PTPRD: variants seen among roughly 807,000 people sequenced by gnomAD.
The protein encoded by PTPRD is receptor-type tyrosine-protein phosphatase delta.
Under a neutral mutation model 214.5 loss-of-function variants are expected in PTPRD, and 34 were observed. The observed-to-expected ratio is 0.16, with a 90% CI of 0.12 to 0.21. The LOEUF (loss-of-function observed/expected upper bound fraction) is 0.21. Among genes scored for constraint, PTPRD ranks in the 10% least tolerant of loss-of-function variants. The pLI, the probability that PTPRD is intolerant of heterozygous loss-of-function variation, is 1.00. For missense variants in PTPRD, 2,545 were observed against 2,398.7 expected (o/e 1.06, Z -1.27); for synonymous variants, 1,128 against 845.7 (o/e 1.33, Z -5.79).
Position 9,983,928 on chromosome 9 carries a change from G to C in PTPRD, c.-471-45318C>G, listed in dbSNP as rs867149114. On this transcript the variant is annotated intron_variant, in intron 4 of 45. Coordinates refer to ENST00000381196, the MANE Select transcript of PTPRD (RefSeq NM_002839.4). ...TTCTCTTCCCAGCAATTACTCTCTAGTGCCCTCTTAGAGACATAACTAAGG... is the reference window on the plus strand; with the variant it reads ...TTCTCTTCCCAGCAATTACTCTCTACTGCCCTCTTAGAGACATAACTAAGG... Among the ~76,000 whole-genome samples the C allele has an allele frequency of 3.3e-5, 5 of 151,902 alleles. No individual in the cohort carries two copies. The South Asian group carries it at 8.3e-4, about 25-fold the overall frequency.
intron 2 of PTPRD, among the ~76,000 whole-genome samples, chr9:10,413,909 C>A (rs7032372): frequency 0.73 from 110,733 of 151,794 alleles, 41,081 homozygotes; most frequent in Non-Finnish European, 0.81. Flanking sequence ...AGACATGCAG[C>A]AGATTGAAAC....
intron 35 of PTPRD, among the ~76,000 whole-genome samples, chr9:8,411,058 A>G (rs2093472793): frequency 6.6e-6 from 1 of 152,104 alleles, no homozygotes; most frequent in Non-Finnish European, 1.5e-5. Context: ...TGGATTAAAA[A>G]TGATGAAAAA....
chr9:10,405,266 C>T (rs1224474170), intron 2 of PTPRD, among the ~76,000 whole-genome samples: 3 of 151,596 alleles, frequency 2.0e-5, no homozygotes, highest in African/African-American at 7.3e-5. Context: ...CGAAAGCTAC[C>T]ATGCATCTTG....
At chr9:10,498,258 T>C (rs1330117668) in intron 2 of PTPRD, among the ~76,000 whole-genome samples, 1 of 151,950 alleles carries the variant, frequency 6.6e-6, no homozygotes, top group African/African-American at 2.4e-5. Flanking sequence ...AATGAAGTTA[T>C]GACTTCCTCC....
chr9:9,636,646 C>A (rs2095779740), intron 7 of PTPRD, among the ~76,000 whole-genome samples: 1 of 152,138 alleles, frequency 6.6e-6, no homozygotes, highest in Non-Finnish European at 1.5e-5. Context: ...GGTATAGTCT[C>A]TGAAAGTATA....
chr9:9,317,266 C>G (rs1963761071), intron 9 of PTPRD, among the ~76,000 whole-genome samples: 1 of 152,180 alleles, frequency 6.6e-6, no homozygotes, highest in African/African-American at 2.4e-5. Context: ...TTACTATTTA[C>G]TAACAGCTTC....
chr9:9,770,313 G>A (rs1437683857), intron 5 of PTPRD, among the ~76,000 whole-genome samples: 2 of 152,134 alleles, frequency 1.3e-5, no homozygotes. Flanking sequence ...TACAGCGTGA[G>A]AGAAATTTTA....
intron 10 of PTPRD, among the ~76,000 whole-genome samples, chr9:9,068,426 T>A (rs2099738506): frequency 6.6e-6 from 1 of 152,186 alleles, no homozygotes; most frequent in Non-Finnish European, 1.5e-5. Flanking sequence ...TGATGCTTCT[T>A]TGAGAAGCTA....
intron 11 of PTPRD, among the ~76,000 whole-genome samples, chr9:8,973,488 C>T (rs1402118289): frequency 6.6e-6 from 1 of 151,974 alleles, no homozygotes; most frequent in Non-Finnish European, 1.5e-5. Context: ...AGGTTGATTC[C>T]ATGTCTTTGC....
intron 15 of PTPRD, among the ~76,000 whole-genome samples, chr9:8,527,972 A>C (rs887273326): frequency 1.3e-5 from 2 of 152,068 alleles, no homozygotes; most frequent in African/African-American, 2.4e-5. Flanking sequence ...CCCTCCTTTT[A>C]CTGGTATTTT....
intron 3 of PTPRD, among the ~76,000 whole-genome samples, chr9:10,311,149 C>G (rs971604641): frequency 6.6e-6 from 1 of 151,880 alleles, no homozygotes; most frequent in Admixed American, 6.6e-5. Context: ...TCTTCCCTTC[C>G]TTTTTCTCTA....
intron 2 of PTPRD, among the ~76,000 whole-genome samples, chr9:10,439,193 G>A (rs571810416): frequency 1.3e-5 from 2 of 151,558 alleles, no homozygotes; most frequent in Non-Finnish European, 1.5e-5. Context: ...AGAGACCTTC[G>A]TTCAGACTCC....
At chr9:8,660,740 A>C (rs2097025810) in intron 12 of PTPRD, among the ~76,000 whole-genome samples, 1 of 152,134 alleles carries the variant, frequency 6.6e-6, no homozygotes, top group Admixed American at 6.6e-5. Flanking sequence ...AGCAATCAAA[A>C]AGCAAACCTC....
intron 4 of PTPRD, among the ~76,000 whole-genome samples, chr9:9,938,904 T>C (rs767658765): frequency 4.6e-5 from 7 of 152,178 alleles, no homozygotes; most frequent in Non-Finnish European, 8.8e-5. Flanking sequence ...ATTGATGCGT[T>C]AATTTAAGAA....
chr9:9,592,585 G>A (rs2092843118), intron 7 of PTPRD, among the ~76,000 whole-genome samples: 2 of 151,996 alleles, frequency 1.3e-5, no homozygotes, highest in African/African-American at 2.4e-5. Context: ...TTCTCCTCTA[G>A]CCAACTCTGT....
chr9:8,462,402 C>T (rs538225384), intron 32 of PTPRD, among the ~76,000 whole-genome samples: 1 of 152,160 alleles, frequency 6.6e-6, no homozygotes, highest in African/African-American at 2.4e-5. Flanking sequence ...TCCTTCCTCT[C>T]ATAGTCTCCA....
At chr9:8,640,793 G>A (rs2096559960) in intron 12 of PTPRD, among the ~76,000 whole-genome samples, 1 of 151,674 alleles carries the variant, frequency 6.6e-6, no homozygotes, top group African/African-American at 2.4e-5. Context: ...TCGCCCACAA[G>A]ATCCGAACTA....
At chr9:10,230,412 C>CTATCTGTG (rs2099604693) in intron 3 of PTPRD, among the ~76,000 whole-genome samples, 1 of 126,572 alleles carries the variant, frequency 7.9e-6, no homozygotes, top group South Asian at 2.5e-4. Flanking sequence ...CTCTATGTAT[C>CTATCTGTG]TATCTATGTA....
chr9:9,802,496 GT>G (rs202246127), intron 5 of PTPRD, among the ~76,000 whole-genome samples: 2,403 of 151,986 alleles, frequency 0.016, 30 homozygotes, highest in Non-Finnish European at 0.022. Flanking sequence ...GAAATATCTT[GT>G]TGTTCTAACA....
Sources: gnomAD v4.1 joint callset for allele counts (sites outside exome capture counted in the v4.1 genomes callset) on GRCh38, gnomAD v4.1.1 for gene constraint, MANE v1.5 for transcripts, NCBI Gene and HGNC (gene_info 2026-07-23, HGNC 2026-07-21) for gene names.